ARHGAP26: variants seen among roughly 807,000 people sequenced by gnomAD.
ARHGAP26 encodes the protein Rho GTPase activating protein 26, also known as rho GTPase-activating protein 26.
A neutral mutation model predicts 104.8 loss-of-function variants in ARHGAP26; 38 were observed. The observed-to-expected ratio is 0.36, with a 90% CI of 0.28 to 0.48. ARHGAP26 has a LOEUF of 0.48. Ranked by LOEUF, ARHGAP26 falls within the 20% of genes least tolerant of loss-of-function variation. The pLI is 0.99. For synonymous variants in ARHGAP26, 341 were observed against 340.0 expected, an observed-to-expected ratio of 1.00 and a Z score of -0.03; for missense variants, 704 against 947.9, an observed-to-expected ratio of 0.74 and a Z score of 3.38.
At chr5:142,948,373 A>G (rs1767489571) in intron 11 of ARHGAP26, among the ~76,000 whole-genome samples, 1 of 150,856 alleles carries the variant, frequency 6.6e-6, no homozygotes, top group South Asian at 2.1e-4. Context: ...GTATATATAT[A>G]TGAGTATATA....
At chr5:142,845,093 T>C (rs1771668369) in intron 1 of ARHGAP26, among the ~76,000 whole-genome samples, 1 of 152,128 alleles carries the variant, frequency 6.6e-6, no homozygotes, top group Non-Finnish European at 1.5e-5. Context: ...ACCAGGAATA[T>C]CCTGAGGAGC....
At chr5:143,015,833 A>G (rs763505623) in intron 12 of ARHGAP26, among the ~76,000 whole-genome samples, 16 of 152,230 alleles carry the variant, frequency 1.1e-4, no homozygotes, top group Non-Finnish European at 2.2e-4. Context: ...ATAAATCCCA[A>G]TAGATTTGAA....
At chr5:142,781,640 A>G (rs572489610) in intron 1 of ARHGAP26, among the ~76,000 whole-genome samples, 23 of 152,280 alleles carry the variant, frequency 1.5e-4, no homozygotes, top group African/African-American at 5.3e-4. Flanking sequence ...TCTGCTGAAA[A>G]TCTGTTTTAC....
At chr5:143,195,826 A>G (rs1426000755) in intron 20 of ARHGAP26, among the ~76,000 whole-genome samples, 1 of 150,444 alleles carries the variant, frequency 6.6e-6, no homozygotes, top group African/African-American at 2.4e-5. Flanking sequence ...TTTTTTTTGT[A>G]ATATTTATTA....
chr5:142,968,793 T>C (rs1445662085), intron 11 of ARHGAP26, among the ~76,000 whole-genome samples: 1 of 152,248 alleles, frequency 6.6e-6, no homozygotes. Context: ...TCACTGGAGC[T>C]CTTTGATTTG....
intron 17 of ARHGAP26, among the ~76,000 whole-genome samples, chr5:143,077,192 G>A (rs975184555): frequency 3.3e-5 from 5 of 152,146 alleles, no homozygotes; most frequent in African/African-American, 9.7e-5. Flanking sequence ...GTATGTGGGC[G>A]CCAGTATTTC....
At chr5:142,791,549 A>G (rs1331377476) in intron 1 of ARHGAP26, among the ~76,000 whole-genome samples, 1 of 152,220 alleles carries the variant, frequency 6.6e-6, no homozygotes, top group Non-Finnish European at 1.5e-5. Context: ...CCTAGAAGAA[A>G]TGGACTGATG....
At chr5:142,841,847 T>C (rs1770876580) in intron 1 of ARHGAP26, among the ~76,000 whole-genome samples, 1 of 152,234 alleles carries the variant, frequency 6.6e-6, no homozygotes, top group Admixed American at 6.5e-5. Flanking sequence ...AGAGAGATTT[T>C]TGTTTTCAGA....
At chr5:142,810,683 C>G (rs572690431) in intron 1 of ARHGAP26, among the ~76,000 whole-genome samples, 128 of 152,226 alleles carry the variant, frequency 8.4e-4, no homozygotes, top group African/African-American at 2.5e-3. Context: ...GTAGTCAATT[C>G]TGTTTTGATT....
chr5:143,142,232 G>A (rs537711148), intron 19 of ARHGAP26, among the ~76,000 whole-genome samples: 65 of 139,754 alleles, frequency 4.7e-4, no homozygotes, highest in African/African-American at 1.6e-3. Flanking sequence ...TTCGCCTCCC[G>A]GGTTCAAGTG....
intron 17 of ARHGAP26, among the ~76,000 whole-genome samples, chr5:143,077,111 A>G (rs528282051): frequency 6.6e-6 from 1 of 152,342 alleles, no homozygotes; most frequent in African/African-American, 2.4e-5. Flanking sequence ...ATGGCTAGAT[A>G]TGGATACAGA....
Position 142,820,181 on chromosome 5 carries a change from C to T in ARHGAP26, c.154+49266C>T, listed in dbSNP as rs182917511. ...ATGAGGAGTGCAGGTGGTTCTCAGACCTCACATTGAGGAACACTGCTTATC... is the reference window on the plus strand; with the variant it reads ...ATGAGGAGTGCAGGTGGTTCTCAGATCTCACATTGAGGAACACTGCTTATC... On this transcript the variant is annotated intron_variant, in intron 1 of 22. Coordinates refer to ENST00000645722, the MANE Select transcript of ARHGAP26 (RefSeq NM_001135608.3). Among the ~76,000 whole-genome samples the T allele has an allele frequency of 1.5e-3, 234 of 152,284 alleles. 1 individual carries two copies. Among genetic ancestry groups the T allele is most frequent in the African/African-American group, 5.4e-3 (224 of 41,562 alleles).
intron 1 of ARHGAP26, among the ~76,000 whole-genome samples, chr5:142,809,768 A>G (rs148314809): frequency 1.4e-4 from 22 of 152,032 alleles, no homozygotes; most frequent in Admixed American, 2.6e-4. Context: ...CCATCCAATC[A>G]CTCATTCATT....
chr5:142,954,498 C>G (rs1339160980), intron 11 of ARHGAP26, among the ~76,000 whole-genome samples: 1 of 152,210 alleles, frequency 6.6e-6, no homozygotes, highest in Non-Finnish European at 1.5e-5. Flanking sequence ...GTCCTGTTTT[C>G]TCTCCAGCTT....
At chr5:142,919,093 A>G in intron 10 of ARHGAP26, 3 of 397,418 alleles carry the variant, frequency 7.5e-6, no homozygotes, top group Non-Finnish European at 1.3e-5. Flanking sequence ...CTGAAGTCCT[A>G]ATCCCCAGTA....
At chr5:142,849,807 G>C (rs1209369559) in intron 1 of ARHGAP26, among the ~76,000 whole-genome samples, 1 of 152,078 alleles carries the variant, frequency 6.6e-6, no homozygotes, top group African/African-American at 2.4e-5. Flanking sequence ...CTTTCCTCCA[G>C]TCTGCTTCAC....
chr5:143,037,170 T>C (rs1275717977), intron 12 of ARHGAP26, 26 bp from the exon 13 acceptor site: 6 of 1,585,340 alleles, frequency 3.8e-6, no homozygotes, highest in Non-Finnish European at 5.2e-6. Flanking sequence ...GCTAGCAACT[T>C]GACTGTCCTT....
intron 17 of ARHGAP26, among the ~76,000 whole-genome samples, chr5:143,065,550 G>A (rs891897499): frequency 6.6e-6 from 1 of 152,178 alleles, no homozygotes; most frequent in African/African-American, 2.4e-5. Context: ...AACCTTGCAT[G>A]TGAATTATTT....
intron 17 of ARHGAP26, among the ~76,000 whole-genome samples, chr5:143,063,971 G>T (rs1019658700): frequency 1.3e-5 from 2 of 152,154 alleles, no homozygotes; most frequent in African/African-American, 4.8e-5. Flanking sequence ...CCTTGTCTTT[G>T]TTTCTTACCT....
Sources: allele counts gnomAD v4.1 joint callset (sites outside exome capture counted in the v4.1 genomes callset), GRCh38; gene constraint gnomAD v4.1.1; transcripts MANE v1.5; gene names NCBI Gene and HGNC (gene_info 2026-07-23, HGNC 2026-07-21).